Variants in CFH observed in about 807,000 individuals in gnomAD.
CFH encodes the protein complement factor H, also known as H factor 1 (complement).
CFH carries 53 observed loss-of-function variants against 147.3 expected under a neutral mutation model. The ratio of observed to expected loss-of-function variants is 0.36; its 90% confidence interval spans 0.29 to 0.45. The LOEUF (loss-of-function observed/expected upper bound fraction) is 0.45. Ranked by LOEUF, CFH falls within the 20% of genes least tolerant of loss-of-function variation. The pLI is 1.00. For synonymous variants in CFH, 536 were observed against 489.4 expected (o/e 1.10, Z -1.26); for missense variants, 1,380 against 1,498.0 (o/e 0.92, Z 1.30).
intron 1 of CFH, among the ~76,000 whole-genome samples, chr1:196,660,652 T>TG (rs1395103977): frequency 1.3e-5 from 2 of 152,210 alleles, no homozygotes; most frequent in Non-Finnish European, 2.9e-5. Flanking sequence ...AAAGATGCCA[T>TG]TTAACACTGA....
chr1:196,701,586 T>C, intron 9 of CFH: 1 of 522,628 alleles, frequency 1.9e-6, no homozygotes. Flanking sequence ...CTCAGTGTAT[T>C]GTTCTGTTGC....
chr1:196,656,147 T>C (rs1397178226), intron 1 of CFH, among the ~76,000 whole-genome samples: 3 of 151,702 alleles, frequency 2.0e-5, no homozygotes, highest in Non-Finnish European at 4.4e-5. Context: ...CTACTAAAAA[T>C]ACAAAAATTA....
chr1:196,688,348 G>A (rs558124916), intron 7 of CFH, among the ~76,000 whole-genome samples: 1 of 151,928 alleles, frequency 6.6e-6, no homozygotes, highest in South Asian at 2.1e-4. Context: ...TATATTTTAT[G>A]ACATCAAAAT....
chr1:196,725,553 A>G (rs1429966006), intron 12 of CFH, among the ~76,000 whole-genome samples: 1 of 152,144 alleles, frequency 6.6e-6, no homozygotes, highest in East Asian at 1.9e-4. Flanking sequence ...CTTTAGGTTT[A>G]TGTTTCTATA....
intron 1 of CFH, among the ~76,000 whole-genome samples, chr1:196,670,297 C>T (rs532912534): frequency 6.6e-6 from 1 of 152,178 alleles, no homozygotes; most frequent in South Asian, 2.1e-4. Flanking sequence ...GTTGGGAAGG[C>T]ATGATTATGT....
chr1:196,690,017 A>G (rs764659985), intron 8 of CFH, 46 bp from the exon 9 acceptor site: 1 of 1,529,956 alleles, frequency 6.5e-7, no homozygotes, highest in Non-Finnish European at 8.9e-7. Context: ...GAGCAAATTT[A>G]TGTTTCTCAT....
chr1:196,725,855 C>A (rs1669124664), intron 12 of CFH, among the ~76,000 whole-genome samples: 1 of 152,122 alleles, frequency 6.6e-6, no homozygotes, highest in African/African-American at 2.4e-5. Flanking sequence ...ACCCATGATC[C>A]AAACATCTCC....
rs1294698981 is a variant in CFH at position 196,685,200 on chromosome 1, C to T, written c.927C>T (p.Cys309=). 2 of 1,612,886 alleles carry T rather than the reference C, an allele frequency of 1.2e-6. No homozygotes were observed. Among genetic ancestry groups the T allele is most frequent in the South Asian group, 2.2e-5 (2 of 91,068 alleles). The change falls in exon 7 of 22, where the codon TGC becomes TGT. Residue 309 remains cysteine, a synonymous_variant. Transcript: ENST00000367429. ...CAACCCGGGGAAATACAGCAAAATG[C>T]ACAAGTACTGGCTGGATACCTGCTC... The part of the protein sequence containing the change: ...YPATRGNTAK[C]TSTGWIPAPR...
chr1:196,691,275 T>A (rs1286338085), intron 9 of CFH, among the ~76,000 whole-genome samples: 1 of 152,124 alleles, frequency 6.6e-6, no homozygotes, highest in East Asian at 1.9e-4. Context: ...TGATATGACA[T>A]TTTTACAGTA....
In CFH at chr1:196,706,390, C is replaced by A. The variant is rs1668589330; in HGVS notation, c.1337-7345C>A. Among the ~76,000 whole-genome samples the A allele has an allele frequency of 2.6e-5, 4 of 151,598 alleles. No homozygotes were observed. In the South Asian group the frequency reaches 6.3e-4, roughly 24 times the overall value. ...ACTACCATGGACATCAGTGGATGGA[C>A]AATTTGGTAGCAAGAAAAAAAAAAT... On this transcript the variant is annotated intron_variant, in intron 9 of 21. Transcript: ENST00000367429.
At chr1:196,688,628 C>T (rs982103639) in intron 7 of CFH, among the ~76,000 whole-genome samples, 2 of 151,964 alleles carry the variant, frequency 1.3e-5, no homozygotes, top group African/African-American at 2.4e-5. Flanking sequence ...TTATATTTTT[C>T]GAGATGGAGT....
At chr1:196,692,678 C>CTTTCCCTTCCTTTCTTTTTG (rs1558163412) in intron 9 of CFH, among the ~76,000 whole-genome samples, 1 of 101,224 alleles carries the variant, frequency 9.9e-6, no homozygotes, top group African/African-American at 4.8e-5. Flanking sequence ...TCTTTTTTCT[C>CTTTCCCTTCCTTTCTTTTTG]TTTCTTTCTT....
intron 9 of CFH, among the ~76,000 whole-genome samples, chr1:196,692,783 T>A (rs1323214159): frequency 9.1e-6 from 1 of 110,100 alleles, no homozygotes; most frequent in East Asian, 2.4e-4. Context: ...TCTTTCTTTC[T>A]TTCTTTCTTT....
At chr1:196,732,731 T>C (rs2149111091) in intron 15 of CFH, among the ~76,000 whole-genome samples, 1 of 152,172 alleles carries the variant, frequency 6.6e-6, no homozygotes, top group African/African-American at 2.4e-5. Context: ...GCCACATCTT[T>C]TCAGGACCTG....
chr1:196,658,429 T>TTTTTTTTTTTTTTTTTTTTTTTTG (rs1666785235), intron 1 of CFH, among the ~76,000 whole-genome samples: 1 of 144,726 alleles, frequency 6.9e-6, no homozygotes, highest in Non-Finnish European at 1.5e-5. Context: ...TTTTTTTTTT[T>TTTTTTTTTTTTTTTTTTTTTTTTG]GAGATGGAGT....
chr1:196,691,806 T>A (rs1668033406), intron 9 of CFH, among the ~76,000 whole-genome samples: 1 of 152,018 alleles, frequency 6.6e-6, no homozygotes. Flanking sequence ...TGTTTCTATT[T>A]AAAGGAATAC....
rs527646706 is a variant in CFH, at chr1:196,656,968, T to G, written c.58+4793T>G. ...TCTTCTTGCTCTTTTCACTGTTAAG[T>G]TGTTTGTTTGTTTGTTTGTTTGTTT... On this transcript the variant is annotated intron_variant, in intron 1 of 21. Coordinates refer to ENST00000367429, the MANE Select transcript of CFH (RefSeq NM_000186.4). Among the ~76,000 whole-genome samples the G allele has an allele frequency of 2.0e-5, 3 of 151,412 alleles. No homozygotes were observed. In the South Asian group the frequency reaches 6.4e-4, roughly 32 times the overall value.
At chr1:196,676,516 A>C (rs2149080070) in intron 4 of CFH, among the ~76,000 whole-genome samples, 1 of 152,198 alleles carries the variant, frequency 6.6e-6, no homozygotes, top group Non-Finnish European at 1.5e-5. Flanking sequence ...TTTACTGAAA[A>C]GAGGAATAAA....
intron 4 of CFH, chr1:196,676,966 A>G (rs921351296): frequency 6.4e-6 from 1 of 155,852 alleles, no homozygotes; most frequent in Admixed American, 6.3e-5. Flanking sequence ...CTATAGTACA[A>G]TAAAGTTTGA....
Sources: gnomAD v4.1 joint callset for allele counts (sites outside exome capture counted in the v4.1 genomes callset) on GRCh38, gnomAD v4.1.1 for gene constraint, MANE v1.5 for transcripts, NCBI Gene and HGNC (gene_info 2026-07-23, HGNC 2026-07-21) for gene names.